Variants in THSD7B observed in about 807,000 individuals in gnomAD.
THSD7B encodes thrombospondin type 1 domain containing 7B, also known as thrombospondin type-1 domain-containing protein 7B.
Under a neutral mutation model 213.6 loss-of-function variants are expected in THSD7B, and 138 were observed. That is an observed-to-expected ratio of 0.65 (90% CI 0.56 to 0.74). The LOEUF is 0.74. Among genes scored for constraint, THSD7B ranks in the 30% least tolerant of loss-of-function variants. The probability of loss-of-function intolerance (pLI) is 0.00; values close to 1 mark genes in which losing one functional copy is unlikely to be tolerated. For synonymous variants in THSD7B, 742 were observed against 687.0 expected, an observed-to-expected ratio of 1.08 and a Z score of -1.25; for missense variants, 1,931 against 1,991.5, an observed-to-expected ratio of 0.97 and a Z score of 0.58.
At chr2:137,588,125 C>A (rs571643000) in intron 17 of THSD7B, among the ~76,000 whole-genome samples, 86 of 152,342 alleles carry the variant, frequency 5.6e-4, no homozygotes, top group African/African-American at 1.9e-3. Context: ...GCGTGGGACC[C>A]TCCGAGCCAG....
At chr2:137,397,831 C>T (rs1270067968) in intron 12 of THSD7B, among the ~76,000 whole-genome samples, 3 of 141,526 alleles carry the variant, frequency 2.1e-5, no homozygotes, top group East Asian at 2.1e-4. Context: ...GGTCTTTTCA[C>T]ATAGTCCCAT....
At chr2:137,196,550 A>G (rs1040119930) in intron 7 of THSD7B, among the ~76,000 whole-genome samples, 2 of 152,088 alleles carry the variant, frequency 1.3e-5, no homozygotes, top group Non-Finnish European at 2.9e-5. Context: ...TGAGTATAAG[A>G]AAATGATTGC....
At chr2:137,132,306 T>C (rs991727606) in intron 5 of THSD7B, among the ~76,000 whole-genome samples, 1 of 151,734 alleles carries the variant, frequency 6.6e-6, no homozygotes, top group Non-Finnish European at 1.5e-5. Flanking sequence ...TTTCTAGATA[T>C]ACAATCATGT....
chr2:137,023,584 C>G (rs752076401), intron 2 of THSD7B, among the ~76,000 whole-genome samples: 3 of 152,184 alleles, frequency 2.0e-5, no homozygotes, highest in Non-Finnish European at 2.9e-5. Flanking sequence ...AGAACAGAAG[C>G]ATTTTGTGCA....
intron 2 of THSD7B, among the ~76,000 whole-genome samples, chr2:136,887,239 T>C (rs16837261): frequency 0.081 from 12,235 of 151,922 alleles, 589 homozygotes; most frequent in East Asian, 0.16. Flanking sequence ...TTATAAAAAG[T>C]CTGGAAAACA....
chr2:137,152,387 C>G (rs1180535129), intron 5 of THSD7B, among the ~76,000 whole-genome samples: 1 of 151,980 alleles, frequency 6.6e-6, no homozygotes, highest in Admixed American at 6.6e-5. Context: ...GCTTACTTTT[C>G]TATTATAATT....
chr2:136,886,351 G>A (rs1235620797), intron 2 of THSD7B, among the ~76,000 whole-genome samples: 1 of 152,160 alleles, frequency 6.6e-6, no homozygotes, highest in Non-Finnish European at 1.5e-5. Flanking sequence ...AGGGCAAGGA[G>A]ATGAGGTAGG....
intron 15 of THSD7B, among the ~76,000 whole-genome samples, chr2:137,518,816 A>G (rs898196127): frequency 1.2e-4 from 18 of 152,288 alleles, no homozygotes; most frequent in African/African-American, 3.6e-4. Context: ...TGAGTGCCCA[A>G]TTTGCCAGCA....
chr2:137,053,802 A>G (rs1687111422), intron 2 of THSD7B, among the ~76,000 whole-genome samples: 1 of 152,192 alleles, frequency 6.6e-6, no homozygotes, highest in South Asian at 2.1e-4. Flanking sequence ...GACAGCCATT[A>G]CTTAAAAATC....
At chr2:136,792,784 G>A (rs1681991983) in intron 1 of THSD7B, among the ~76,000 whole-genome samples, 1 of 151,958 alleles carries the variant, frequency 6.6e-6, no homozygotes, top group African/African-American at 2.4e-5. Flanking sequence ...TCCTGTCTCT[G>A]TATTCCTATC....
At chr2:136,924,106 T>C (rs1464276513) in intron 2 of THSD7B, among the ~76,000 whole-genome samples, 1 of 152,212 alleles carries the variant, frequency 6.6e-6, no homozygotes, top group Non-Finnish European at 1.5e-5. Context: ...TTAGGTTTTA[T>C]TCATTTTTTA....
chr2:136,775,317 G>T (rs1302536719), intron 1 of THSD7B, among the ~76,000 whole-genome samples: 2 of 152,054 alleles, frequency 1.3e-5, no homozygotes, highest in African/African-American at 2.4e-5. Context: ...TATAAAATTT[G>T]CAATTCAAAT....
At chr2:136,850,495 G>A (rs1411804294) in intron 1 of THSD7B, among the ~76,000 whole-genome samples, 1 of 151,894 alleles carries the variant, frequency 6.6e-6, no homozygotes, top group Non-Finnish European at 1.5e-5. Flanking sequence ...TTTTTAAAAA[G>A]GGTTGTTCTG....
At chr2:136,860,016 ATTTT>A (rs3084113) in intron 1 of THSD7B, among the ~76,000 whole-genome samples, 1 of 120,508 alleles carries the variant, frequency 8.3e-6, no homozygotes, top group East Asian at 2.7e-4. Flanking sequence ...ACAATTCATG[ATTTT>A]TTTTTTTTTT....
At chr2:137,198,514 T>C (rs979076897) in intron 7 of THSD7B, among the ~76,000 whole-genome samples, 3 of 152,174 alleles carry the variant, frequency 2.0e-5, no homozygotes, top group African/African-American at 7.2e-5. Context: ...CCCCTACTAC[T>C]GCCAACCTCT....
At chr2:137,564,733 TG>T (rs1437288059) in intron 16 of THSD7B, among the ~76,000 whole-genome samples, 1 of 152,108 alleles carries the variant, frequency 6.6e-6, no homozygotes, top group African/African-American at 2.4e-5. Flanking sequence ...GAAGGTTGAT[TG>T]AGGAAAACAC....
intron 2 of THSD7B, among the ~76,000 whole-genome samples, chr2:136,922,054 T>C (rs1017038233): frequency 2.6e-5 from 4 of 152,122 alleles, no homozygotes; most frequent in African/African-American, 9.7e-5. Context: ...TTCTCTGCAT[T>C]GTTCTCTTAT....
At chr2:137,458,110 T>C (rs1056701932) in intron 15 of THSD7B, among the ~76,000 whole-genome samples, 1 of 152,120 alleles carries the variant, frequency 6.6e-6, no homozygotes, top group South Asian at 2.1e-4. Flanking sequence ...TAATTTCCTA[T>C]GAAAAACTCA....
intron 3 of THSD7B, among the ~76,000 whole-genome samples, chr2:137,080,202 G>C (rs895165253): frequency 6.7e-6 from 1 of 149,814 alleles, no homozygotes; most frequent in Non-Finnish European, 1.5e-5. Context: ...ATATATAATT[G>C]TATTGTATTG....
Sources: gnomAD v4.1 joint callset for allele counts (sites outside exome capture counted in the v4.1 genomes callset) on GRCh38, gnomAD v4.1.1 for gene constraint, MANE v1.5 for transcripts, NCBI Gene and HGNC (gene_info 2026-07-23, HGNC 2026-07-21) for gene names.